The following CTNND2 variants were observed in gnomAD, a reference collection of about 807,000 sequenced individuals.
The protein encoded by CTNND2 is catenin delta 2.
A neutral mutation model predicts 144.4 loss-of-function variants in CTNND2; 22 were observed. The observed-to-expected ratio is 0.15, with a 90% CI of 0.11 to 0.22. The LOEUF is 0.22. Among genes scored for constraint, CTNND2 ranks in the 10% least tolerant of loss-of-function variants. The pLI is 1.00. For missense variants in CTNND2, 1,353 were observed against 1,618.8 expected, an observed-to-expected ratio of 0.84 and a Z score of 2.82; for synonymous variants, 751 against 695.6, an observed-to-expected ratio of 1.08 and a Z score of -1.25.
intron 12 of CTNND2, among the ~76,000 whole-genome samples, chr5:11,129,928 T>G (rs947846066): frequency 1.3e-5 from 2 of 152,178 alleles, no homozygotes; most frequent in Non-Finnish European, 2.9e-5. Flanking sequence ...TAAATTTACT[T>G]GAAAAGCTCT....
chr5:11,443,205 T>C (rs971683403), intron 3 of CTNND2, among the ~76,000 whole-genome samples: 4 of 145,684 alleles, frequency 2.7e-5, no homozygotes, highest in African/African-American at 1.0e-4. Flanking sequence ...GTGTGTGGTG[T>C]GTATGTGTGT....
intron 2 of CTNND2, among the ~76,000 whole-genome samples, chr5:11,693,468 ATTTTG>A (rs895261052): frequency 6.6e-6 from 1 of 152,052 alleles, no homozygotes; most frequent in South Asian, 2.1e-4. Context: ...TTTTGTTTTT[ATTTTG>A]TTTTGTTTTG....
At chr5:11,354,273 A>G (rs1452453344) in intron 8 of CTNND2, among the ~76,000 whole-genome samples, 1 of 152,236 alleles carries the variant, frequency 6.6e-6, no homozygotes, top group African/African-American at 2.4e-5. Flanking sequence ...TTTTACATCA[A>G]GTACTTGGCA....
At chr5:11,895,270 G>A (rs1006453370) in intron 1 of CTNND2, among the ~76,000 whole-genome samples, 6 of 152,268 alleles carry the variant, frequency 3.9e-5, no homozygotes, top group Non-Finnish European at 7.4e-5. Flanking sequence ...AAAAGCAAAC[G>A]CCAGAATTAC....
intron 1 of CTNND2, among the ~76,000 whole-genome samples, chr5:11,765,404 G>A (rs915553103): frequency 6.6e-6 from 1 of 152,100 alleles, no homozygotes; most frequent in Non-Finnish European, 1.5e-5. Context: ...CAGGCTGCCA[G>A]GTGGATCAGA....
chr5:11,610,863 T>C (rs1435703293), intron 2 of CTNND2, among the ~76,000 whole-genome samples: 1 of 152,200 alleles, frequency 6.6e-6, no homozygotes, highest in African/African-American at 2.4e-5. Context: ...AAGCTCTTGT[T>C]CACTTGAATG....
At chr5:11,750,286 TTC>T (rs1212792055) in intron 1 of CTNND2, among the ~76,000 whole-genome samples, 2 of 151,978 alleles carry the variant, frequency 1.3e-5, no homozygotes, top group Non-Finnish European at 2.9e-5. Flanking sequence ...TGATTCCTCA[TTC>T]TCTGTTTCTT....
At chr5:11,134,636 G>T (rs757689399) in intron 12 of CTNND2, among the ~76,000 whole-genome samples, 5 of 152,138 alleles carry the variant, frequency 3.3e-5, no homozygotes, top group Non-Finnish European at 5.9e-5. Context: ...CTTCAGATGG[G>T]GGCATTTCAC....
chr5:11,397,296 A>C, intron 5 of CTNND2, 93 bp from the exon 6 acceptor site: 522 of 1,012,524 alleles, frequency 5.2e-4, no homozygotes, highest in Non-Finnish European at 6.4e-4. Context: ...GAATTATCTC[A>C]TGCACATGAT....
chr5:11,529,675 G>A lies in CTNND2; in HGVS notation c.287+35269C>T, dbSNP rs16901720. Among the ~76,000 whole-genome samples, 832 of 152,280 alleles carry A rather than the reference G, an allele frequency of 5.5e-3. 12 individuals are homozygous for A. The highest frequency in any genetic ancestry group is 0.051 in the East Asian group (265 of 5,186). On this transcript the variant is annotated intron_variant, in intron 3 of 21. Transcript: ENST00000304623. ...TATGAATATGAATGGGGTCTCCAGA[G>A]CTAACCCAAGATTATGCAGATAGTT...
chr5:11,148,682 G>A (rs754991518), intron 12 of CTNND2, among the ~76,000 whole-genome samples: 23 of 152,196 alleles, frequency 1.5e-4, no homozygotes, highest in Non-Finnish European at 2.6e-4. Flanking sequence ...TTCTGTCCCC[G>A]TGGGAGTGGG....
intron 15 of CTNND2, among the ~76,000 whole-genome samples, chr5:11,097,969 G>C (rs1167532606): frequency 6.6e-6 from 1 of 152,166 alleles, no homozygotes. Flanking sequence ...CCCAAAATGA[G>C]TGTTATGAAA....
intron 16 of CTNND2, among the ~76,000 whole-genome samples, chr5:11,079,287 G>T (rs1363748150): frequency 8.2e-6 from 1 of 122,146 alleles, no homozygotes; most frequent in Non-Finnish European, 1.6e-5. Flanking sequence ...ACGGGGGTTG[G>T]TCCAGCTCCC....
intron 1 of CTNND2, among the ~76,000 whole-genome samples, chr5:11,843,249 T>C (rs538054420): frequency 6.5e-4 from 99 of 152,314 alleles, no homozygotes; most frequent in African/African-American, 2.2e-3. Flanking sequence ...TAGTTCCCAA[T>C]GCACTCTCCT....
chr5:11,221,407 A>C (rs1319704176), intron 10 of CTNND2, among the ~76,000 whole-genome samples: 2 of 152,200 alleles, frequency 1.3e-5, no homozygotes, highest in African/African-American at 4.8e-5. Flanking sequence ...CACCAGGTTG[A>C]GGAGGTCTAA....
chr5:11,538,450 A>T (rs984064297), intron 3 of CTNND2, among the ~76,000 whole-genome samples: 3 of 152,306 alleles, frequency 2.0e-5, no homozygotes, highest in Non-Finnish European at 4.4e-5. Context: ...ACCACTATGT[A>T]TGCTTAGCAT....
In CTNND2 at chr5:11,037,575, A is replaced by G. The variant is rs1367002107; in HGVS notation, c.2789-14596T>C. Reference sequence around the variant, plus strand: ...GAGAAAGTGGAGTGCCTACTAATCCAAGATCAACAAAACAAGGATTAATTA... The same window carrying G: ...GAGAAAGTGGAGTGCCTACTAATCCGAGATCAACAAAACAAGGATTAATTA... On this transcript the variant is annotated intron_variant, in intron 16 of 21. Transcript: ENST00000304623. Among the ~76,000 whole-genome samples the G allele has an allele frequency of 2.0e-5, 3 of 152,198 alleles. No homozygotes were observed. The South Asian group carries it at 6.2e-4, about 32-fold the overall frequency.
intron 1 of CTNND2, among the ~76,000 whole-genome samples, chr5:11,759,045 T>C (rs1789106471): frequency 6.6e-6 from 1 of 151,950 alleles, no homozygotes; most frequent in South Asian, 2.1e-4. Context: ...TGTGGAAAAA[T>C]AAACTTTGAC....
At chr5:11,412,193 C>A in intron 3 of CTNND2, 124 bp from the exon 4 acceptor site, 1 of 684,988 alleles carries the variant, frequency 1.5e-6, no homozygotes, top group Non-Finnish European at 2.6e-6. Flanking sequence ...CCTTTCATTT[C>A]TTACTATGAA....
Sources: gnomAD v4.1 joint callset for allele counts (sites outside exome capture counted in the v4.1 genomes callset) on GRCh38, gnomAD v4.1.1 for gene constraint, MANE v1.5 for transcripts, NCBI Gene and HGNC (gene_info 2026-07-23, HGNC 2026-07-21) for gene names.